PGBD2: variants seen among roughly 807,000 people sequenced by gnomAD.
PGBD2 encodes the protein piggyBac transposable element-derived protein 2.
In PGBD2, 6 loss-of-function variants were observed where a neutral mutation model predicts 8.1. The ratio of observed to expected loss-of-function variants is 0.74; its 90% CI spans 0.40 to 1.46. PGBD2 has a LOEUF of 1.46. PGBD2 is among the 40% of genes most tolerant of loss of function. The pLI is 0.02. For synonymous variants in PGBD2, 318 were observed against 272.2 expected (o/e 1.17, Z -1.66); for missense variants, 802 against 739.0 (o/e 1.09, Z -0.99).
the PGBD2 span, among the ~76,000 whole-genome samples, chr1:248,873,268 G>A: frequency 6.6e-6 from 1 of 152,268 alleles, no homozygotes; most frequent in Middle Eastern, 3.4e-3. Flanking sequence ...TGTAAACGCA[G>A]CCTGACTTCC....
rs1661634998 is a variant in PGBD2, at chr1:248,906,341, AG to A, written c.-48+1del. The stretch of plus-strand genomic sequence containing the variant: ...CGCGAGTCTCCGTCTGGGGTAGGGC[AG>A]GTAGGCCTCAGTGTGCTCGCGCTGC... On this transcript the variant is annotated splice_region_variant and 5_prime_UTR_variant, in exon 1 of 3. Transcript: ENST00000329291. 1 of 151,996 alleles carries A rather than the reference AG, an allele frequency of 6.6e-6. No individual in the cohort carries two copies. The allele number at this position is 151,996 out of a possible 1,614,324, so 9.4% of individuals were successfully genotyped here.
downstream of PGBD2, among the ~76,000 whole-genome samples, chr1:248,923,667 C>T (rs542604344): frequency 6.6e-6 from 1 of 152,350 alleles, no homozygotes; most frequent in South Asian, 2.1e-4. Context: ...TACCAATTGT[C>T]TATCTTAGAA....
rs770910641 is a variant in PGBD2 at position 248,916,936 on chromosome 1, C to T, written c.352C>T (p.Arg118Cys). The change falls in exon 3 of 3, where the codon CGT becomes TGT. Residue 118 changes from arginine (R) to cysteine (C), a missense_variant. By Grantham distance (180) the Arg-to-Cys change is radical. Coordinates refer to ENST00000329291, the MANE Select transcript of PGBD2 (RefSeq NM_170725.3). ...PQRIWTKRDI[R>C]PDFGSWTASD... ...GCGCATTTGGACCAAAAGAGATATT[C>T]GTCCAGACTTTGGCAGTTGGACTGC... The T allele has an allele frequency of 4.3e-6, 7 of 1,613,626 alleles. No individual in the cohort carries two copies. Among genetic ancestry groups the T allele is most frequent in the South Asian group, 2.2e-5 (2 of 91,012 alleles).
the PGBD2 span, among the ~76,000 whole-genome samples, chr1:248,882,043 T>C: frequency 6.6e-6 from 1 of 152,164 alleles, no homozygotes; most frequent in Non-Finnish European, 1.5e-5. Context: ...TCCTTCTGTA[T>C]GAATGTTTAT....
chr1:248,914,655 G>GA, intron 2 of PGBD2: 7 of 1,224,706 alleles, frequency 5.7e-6, no homozygotes, highest in Non-Finnish European at 6.4e-6. Context: ...GGGGCACAGG[G>GA]AAGCTGCAGG....
the PGBD2 span, among the ~76,000 whole-genome samples, chr1:248,927,202 A>G: frequency 6.6e-6 from 1 of 152,166 alleles, no homozygotes; most frequent in African/African-American, 2.4e-5. Flanking sequence ...TGAAGAAGAG[A>G]TTTGTCATGA....
chr1:248,895,835 G>A, the PGBD2 span, among the ~76,000 whole-genome samples: 4 of 151,690 alleles, frequency 2.6e-5, no homozygotes, highest in African/African-American at 4.8e-5. Context: ...CTACAGGCAC[G>A]TGCCACCACG....
At chr1:248,894,281 T>G in the PGBD2 span, among the ~76,000 whole-genome samples, 1 of 152,134 alleles carries the variant, frequency 6.6e-6, no homozygotes, top group Admixed American at 6.5e-5. Context: ...TTTTGGGTTT[T>G]TTTTGTGGTT....
chr1:248,894,344 G>C, the PGBD2 span, among the ~76,000 whole-genome samples: 1 of 152,028 alleles, frequency 6.6e-6, no homozygotes, highest in Non-Finnish European at 1.5e-5. Context: ...CCTGGACCTA[G>C]AAAAGTCAAG....
At chr1:248,893,153 C>A in the PGBD2 span, among the ~76,000 whole-genome samples, 2 of 152,100 alleles carry the variant, frequency 1.3e-5, no homozygotes, top group Non-Finnish European at 2.9e-5. Context: ...CTCATGTTAC[C>A]ATCACCTCAG....
At chr1:248,881,072 T>C in the PGBD2 span, among the ~76,000 whole-genome samples, 1 of 152,120 alleles carries the variant, frequency 6.6e-6, no homozygotes, top group African/African-American at 2.4e-5. Context: ...GTGCCCAGCC[T>C]AGGAGCAGGG....
upstream of PGBD2, among the ~76,000 whole-genome samples, chr1:248,904,194 C>T (rs1009489429): frequency 6.6e-6 from 1 of 151,616 alleles, no homozygotes; most frequent in Admixed American, 6.6e-5. Flanking sequence ...CCAATTTTTT[C>T]CTTAAAGCTT....
the PGBD2 span, among the ~76,000 whole-genome samples, chr1:248,889,963 T>C: frequency 1.3e-5 from 2 of 150,970 alleles, no homozygotes; most frequent in Admixed American, 6.6e-5. Flanking sequence ...GTTTCGCTCT[T>C]GTTGCCCAGG....
chr1:248,886,033 A>C, the PGBD2 span, among the ~76,000 whole-genome samples: 1 of 149,240 alleles, frequency 6.7e-6, no homozygotes, highest in East Asian at 2.0e-4. Context: ...ATCATGAATG[A>C]AAAAAAAAAT....
the PGBD2 span, among the ~76,000 whole-genome samples, chr1:248,875,999 CTTT>C: frequency 1.5e-3 from 213 of 139,684 alleles, no homozygotes; most frequent in African/African-American, 1.1e-3. Context: ...TTAAACTGTT[CTTT>C]TTTTTTTTTT....
chr1:248,910,292 G>C (rs1400051237), intron 1 of PGBD2, among the ~76,000 whole-genome samples: 3 of 152,210 alleles, frequency 2.0e-5, no homozygotes, highest in East Asian at 1.9e-4. Flanking sequence ...TTGTTGCAAA[G>C]TTTTGAAAGA....
At chr1:248,892,722 A>C in the PGBD2 span, among the ~76,000 whole-genome samples, 1 of 152,188 alleles carries the variant, frequency 6.6e-6, no homozygotes, top group Non-Finnish European at 1.5e-5. Context: ...AAGTGTTTTT[A>C]TTTACTTGCA....
At chr1:248,905,057 C>A (rs929354681), upstream of PGBD2, among the ~76,000 whole-genome samples, 2 of 152,224 alleles carry the variant, frequency 1.3e-5, no homozygotes, top group Non-Finnish European at 2.9e-5. Context: ...AGAAACACCA[C>A]CCTACCTTAC....
the PGBD2 span, among the ~76,000 whole-genome samples, chr1:248,881,947 G>A: frequency 1.3e-5 from 2 of 152,162 alleles, no homozygotes; most frequent in Non-Finnish European, 2.9e-5. Context: ...TTCCTGTAAT[G>A]TCTTATAATT....
Sources: allele counts gnomAD v4.1 joint callset (sites outside exome capture counted in the v4.1 genomes callset), GRCh38; gene constraint gnomAD v4.1.1; transcripts MANE v1.5; gene names NCBI Gene and HGNC (gene_info 2026-07-23, HGNC 2026-07-21).